Variants in CD38 observed in about 807,000 individuals in gnomAD.
CD38 encodes the protein CD38 molecule.
A neutral mutation model predicts 36.3 loss-of-function variants in CD38; 31 were observed. The ratio of observed to expected loss-of-function variants is 0.85; its 90% CI spans 0.64 to 1.15. The LOEUF is 1.15. CD38 is among the 50% of genes most tolerant of loss of function. The pLI is 0.00. For synonymous variants in CD38, 131 were observed against 135.2 expected (o/e 0.97, Z 0.22); for missense variants, 380 against 371.9 (o/e 1.02, Z -0.18).
intron 2 of CD38, among the ~76,000 whole-genome samples, chr4:15,820,614 G>A (rs1723712412): frequency 2.0e-5 from 3 of 151,744 alleles, no homozygotes; most frequent in African/African-American, 7.3e-5. Flanking sequence ...AAGGATAAAG[G>A]GGTAAATTCA....
At chr4:15,788,317 G>A (rs929274727) in intron 1 of CD38, among the ~76,000 whole-genome samples, 1 of 152,186 alleles carries the variant, frequency 6.6e-6, no homozygotes, top group African/African-American at 2.4e-5. Flanking sequence ...GTTGCTCTGA[G>A]AGGTGACATT....
At position 15,825,026 on chromosome 4, in the gene CD38, T is replaced by A; in HGVS notation, c.499+10T>A. On this transcript the variant is annotated intron_variant, in intron 3 of 7. Transcript: ENST00000226279. ...GAATTCAACACTTCCAGTGAGGCTC[T>A]GGGCCCTGTGGGATTGCCCAGGGAT... 6.3e-7 allele frequency: 1 copy of A among 1,598,754 alleles called. No homozygotes were observed. The highest frequency in any genetic ancestry group is 8.5e-7 in the Non-Finnish European group (1 of 1,171,436).
chr4:15,781,374 A>G (rs990079646), intron 1 of CD38, among the ~76,000 whole-genome samples: 3 of 152,214 alleles, frequency 2.0e-5, no homozygotes, highest in Non-Finnish European at 4.4e-5. Flanking sequence ...ATGCTACAGT[A>G]TAGTAGTAAG....
intron 7 of CD38, among the ~76,000 whole-genome samples, chr4:15,841,917 G>T (rs1163021768): frequency 1.5e-5 from 2 of 131,032 alleles, no homozygotes; most frequent in East Asian, 4.3e-4. Flanking sequence ...CTACGCCCAC[G>T]GAATCTCGCT....
rs1723442366 is a variant in CD38 at position 15,810,350 on chromosome 4, A to G, written c.234-6161A>G. On this transcript the variant is annotated intron_variant, in intron 1 of 7. Transcript: ENST00000226279. ...ACATGTAGGTGCTCAGTGCACATGA[A>G]TTTCTCTTTCCTGCCAGATCTTTTG... 2.6e-5 allele frequency among the ~76,000 whole-genome samples: 4 copies of G among 152,328 alleles called. No homozygotes were observed. In the South Asian group the frequency reaches 8.3e-4, roughly 32 times the overall value.
intron 1 of CD38, among the ~76,000 whole-genome samples, chr4:15,798,756 T>A (rs987783201): frequency 6.6e-6 from 1 of 152,210 alleles, no homozygotes; most frequent in East Asian, 1.9e-4. Flanking sequence ...TTCTCAAATT[T>A]AAAAAATGCC....
chr4:15,829,113 T>C (rs776155327), intron 3 of CD38, among the ~76,000 whole-genome samples: 5 of 152,222 alleles, frequency 3.3e-5, no homozygotes, highest in South Asian at 2.1e-4. Flanking sequence ...GCCATTTGTA[T>C]GTCTTTTGAA....
chr4:15,808,603 C>G (rs1019258918), intron 1 of CD38, among the ~76,000 whole-genome samples: 1 of 152,188 alleles, frequency 6.6e-6, no homozygotes, highest in African/African-American at 2.4e-5. Context: ...GATAGCTATT[C>G]TTACAACATG....
chr4:15,792,609 C>G (rs972057013), intron 1 of CD38, among the ~76,000 whole-genome samples: 2 of 152,026 alleles, frequency 1.3e-5, no homozygotes, highest in Non-Finnish European at 2.9e-5. Context: ...TATCAACATT[C>G]TGCTGTTCTT....
At position 15,849,476 on chromosome 4, in the gene CD38, C is replaced by G. The variant is rs1437129415; in HGVS notation, c.*874C>G. On this transcript the variant is annotated 3_prime_UTR_variant, in exon 8 of 8. Coordinates refer to ENST00000226279, the MANE Select transcript of CD38 (RefSeq NM_001775.4). ...TGGATTAAATTGACTAGAATGGAAT[C>G]TGGAATATAGTTCTTCTGGATGGCT... 1 of 152,192 alleles carries G rather than the reference C, an allele frequency of 6.6e-6. No homozygotes were observed. Among genetic ancestry groups the G allele is most frequent in the Non-Finnish European group, 1.5e-5 (1 of 68,038 alleles). 9.4% of individuals were successfully genotyped at this position (152,192 alleles called of 1,614,324 possible). A position where few individuals can be genotyped will look rare whatever the true frequency, so the allele number is the denominator to read the frequency against.
chr4:15,825,037 G>A (rs772430051), intron 3 of CD38, 21 bp downstream of exon 3: 2 of 1,588,810 alleles, frequency 1.3e-6, no homozygotes, highest in East Asian at 4.6e-5. Flanking sequence ...GGGCCCTGTG[G>A]GATTGCCCAG....
intron 1 of CD38, among the ~76,000 whole-genome samples, chr4:15,782,149 C>A (rs1722712813): frequency 6.6e-6 from 1 of 152,186 alleles, no homozygotes; most frequent in Non-Finnish European, 1.5e-5. Flanking sequence ...AGGTGAATTT[C>A]TTCAAGGTTT....
intron 1 of CD38, among the ~76,000 whole-genome samples, chr4:15,786,091 T>G (rs954011881): frequency 2.0e-5 from 3 of 152,140 alleles, no homozygotes; most frequent in Non-Finnish European, 4.4e-5. Context: ...ACTTTCGTGG[T>G]GAGTGTTACA....
chr4:15,778,670 C>CCGGT lies in CD38; in HGVS notation c.233+24_233+27dup. ...GAGGTGGGTTGGCGACTAAGGCGCA[C>CCGGT]CGGTGGGCACTGCGGGGACAGCAGG... On this transcript the variant is annotated intron_variant, in intron 1 of 7. Transcript: ENST00000226279. The surrounding 1 kb of genome is among the most constrained non-coding windows in gnomAD (Gnocchi z 4.9). The CCGGT allele has an allele frequency of 6.6e-7, 1 of 1,518,772 alleles. No homozygotes were observed. The highest frequency in any genetic ancestry group is 9.1e-7 in the Non-Finnish European group (1 of 1,095,018). 94.1% of individuals were successfully genotyped at this position (1,518,772 alleles called of 1,614,324 possible).
At chr4:15,814,490 G>A (rs1270802803) in intron 1 of CD38, among the ~76,000 whole-genome samples, 1 of 152,094 alleles carries the variant, frequency 6.6e-6, no homozygotes, top group African/African-American at 2.4e-5. Flanking sequence ...ATTGCTTTTG[G>A]TGTTTTAGTC....
At chr4:15,814,551 G>A (rs1033973779) in intron 1 of CD38, among the ~76,000 whole-genome samples, 4 of 152,004 alleles carry the variant, frequency 2.6e-5, no homozygotes, top group East Asian at 1.9e-4. Flanking sequence ...CTAGATTTTC[G>A]TCTAGGGTTT....
At chr4:15,809,765 T>C (rs1723425028) in intron 1 of CD38, among the ~76,000 whole-genome samples, 2 of 152,182 alleles carry the variant, frequency 1.3e-5, no homozygotes. Flanking sequence ...ACTTCCAATT[T>C]TGGAACAGAA....
At chr4:15,790,583 C>G (rs1429788280) in intron 1 of CD38, among the ~76,000 whole-genome samples, 5 of 152,146 alleles carry the variant, frequency 3.3e-5, no homozygotes, top group African/African-American at 1.2e-4. Flanking sequence ...ATTGCAGCCT[C>G]TGCCCGGCCG....
intron 5 of CD38, 132 bp downstream of exon 5, chr4:15,838,297 A>C (rs1052051576): frequency 2.8e-6 from 2 of 710,246 alleles, no homozygotes; most frequent in South Asian, 1.8e-5. Context: ...AAAGGTAAAA[A>C]TTTTGAATTC....
Sources: allele counts gnomAD v4.1 joint callset (sites outside exome capture counted in the v4.1 genomes callset), GRCh38; gene constraint gnomAD v4.1.1; non-coding constraint Gnocchi (gnomAD v3.1); transcripts MANE v1.5; gene names NCBI Gene and HGNC (gene_info 2026-07-23, HGNC 2026-07-21).